RFX4: variants seen among roughly 807,000 people sequenced by gnomAD.
RFX4 encodes the protein regulatory factor X4, also known as transcription factor RFX4.
A neutral mutation model predicts 95.0 loss-of-function variants in RFX4; 10 were observed. The ratio of observed to expected loss-of-function variants is 0.11; its 90% CI spans 0.06 to 0.18. The LOEUF is 0.18. RFX4 is among the 10% of genes least tolerant of loss of function. The probability of loss-of-function intolerance (pLI) is 1.00; values close to 1 mark genes in which losing one functional copy is unlikely to be tolerated. For missense variants in RFX4, 640 were observed against 922.0 expected, an observed-to-expected ratio of 0.69 and a Z score of 3.96; for synonymous variants, 321 against 340.7, an observed-to-expected ratio of 0.94 and a Z score of 0.64.
In RFX4 at chr12:106,638,040, C is replaced by T. The variant is rs537426653; in HGVS notation, c.131-1292C>T. 4.4e-4 allele frequency among the ~76,000 whole-genome samples: 65 copies of T among 148,976 alleles called. 3 individuals are homozygous for T. The East Asian group carries it at 0.011, about 25-fold the overall frequency. ...GGATTTTTTTTTTTTTTGAATCTTG[C>T]TCTGTTGCCCAGACTAGAGTGCAGT... On this transcript the variant is annotated intron_variant, in intron 2 of 17. Transcript: ENST00000392842.
At chr12:106,641,967 C>CTATATCTA (rs371927014) in intron 3 of RFX4, among the ~76,000 whole-genome samples, 50 of 135,038 alleles carry the variant, frequency 3.7e-4, no homozygotes, top group African/African-American at 1.1e-3. Context: ...ATATCTATAT[C>CTATATCTA]TATCTATATC....
chr12:106,691,079 A>T (rs757533156), intron 7 of RFX4, among the ~76,000 whole-genome samples: 4 of 152,220 alleles, frequency 2.6e-5, no homozygotes, highest in Admixed American at 2.6e-4. Context: ...GTCCAGAAAC[A>T]TTGAGGGGCA....
rs1405496105 is a variant in RFX4 at position 106,755,209 on chromosome 12, A to C, written c.1935+4416A>C. ...CCTCCTGGGCTCAAGTGATCCTCCC[A>C]CCTCAGCCTCCCAAGTACCTGGGAC... On this transcript the variant is annotated intron_variant, in intron 17 of 17. Transcript: ENST00000392842. Among the ~76,000 whole-genome samples the C allele has an allele frequency of 2.0e-5, 3 of 152,114 alleles. No homozygotes were observed. The East Asian group carries it at 5.8e-4, about 29-fold the overall frequency.
At chr12:106,625,998 G>C (rs1809474956) in intron 2 of RFX4, among the ~76,000 whole-genome samples, 1 of 152,098 alleles carries the variant, frequency 6.6e-6, no homozygotes, top group Admixed American at 6.5e-5. Context: ...ATGGATCCCT[G>C]CTCTCAATGA....
chr12:106,624,101 C>T (rs1323308689), intron 2 of RFX4, among the ~76,000 whole-genome samples: 1 of 152,128 alleles, frequency 6.6e-6, no homozygotes, highest in Non-Finnish European at 1.5e-5. Context: ...TCTTGTGTGT[C>T]TCTCTTTTAT....
intron 13 of RFX4, 108 bp from the exon 14 acceptor site, chr12:106,732,014 ATTAGACTC>A (rs1316285370): frequency 6.9e-7 from 1 of 1,444,086 alleles, no homozygotes; most frequent in African/African-American, 1.4e-5. Context: ...TGAGTGGAAA[ATTAGACTC>A]TTGAGCAGAG....
intron 15 of RFX4, among the ~76,000 whole-genome samples, chr12:106,746,482 C>T (rs1179924248): frequency 2.0e-5 from 3 of 151,564 alleles, no homozygotes; most frequent in African/African-American, 7.3e-5. Context: ...CAGTGAGGGC[C>T]ATGATCATGT....
chr12:106,655,407 A>G (rs750501677), intron 4 of RFX4, among the ~76,000 whole-genome samples: 4 of 152,174 alleles, frequency 2.6e-5, no homozygotes, highest in East Asian at 1.9e-4. Context: ...CATTTCTTCA[A>G]TCCTTCAGTA....
intron 4 of RFX4, among the ~76,000 whole-genome samples, chr12:106,655,940 A>G (rs1429863443): frequency 1.3e-5 from 2 of 152,208 alleles, no homozygotes; most frequent in Non-Finnish European, 2.9e-5. Flanking sequence ...TTGTTAGCTT[A>G]TATTCTGCAA....
intron 3 of RFX4, among the ~76,000 whole-genome samples, chr12:106,642,110 A>G (rs540992982): frequency 6.6e-6 from 1 of 151,974 alleles, no homozygotes; most frequent in East Asian, 1.9e-4. Flanking sequence ...TCTTGGGTTC[A>G]AGTGATTCTC....
intron 9 of RFX4, among the ~76,000 whole-genome samples, chr12:106,709,811 CAA>C (rs2042158019): frequency 6.6e-6 from 1 of 152,106 alleles, no homozygotes; most frequent in African/African-American, 2.4e-5. Flanking sequence ...CTCTAAGAGG[CAA>C]AGAGAGTTCC....
chr12:106,683,483 A>AAC (rs1327559033), intron 5 of RFX4: 6 of 149,118 alleles, frequency 4.0e-5, no homozygotes, highest in African/African-American at 7.4e-5. Flanking sequence ...AAAAAAAAAA[A>AAC]AAAAAAAAAA....
At chr12:106,620,938 C>T (rs929962123) in intron 2 of RFX4, among the ~76,000 whole-genome samples, 4 of 152,118 alleles carry the variant, frequency 2.6e-5, no homozygotes, top group South Asian at 2.1e-4. Flanking sequence ...CATTTATAGG[C>T]TCTCTGCAAG....
Position 106,583,190 on chromosome 12 carries a change from C to A in RFX4, c.-131C>A. On this transcript the variant is annotated 5_prime_UTR_variant, in exon 1 of 18. Coordinates refer to ENST00000392842, the MANE Select transcript of RFX4 (RefSeq NM_213594.3). ...TCCTTTCCTCCTTTATCCTTGTGCC[C>A]CCTCACTTTCTGCGTCTCTCTCTCT... The A allele has an allele frequency of 1.3e-6, 1 of 755,896 alleles. No homozygotes were observed. The highest frequency in any genetic ancestry group is 2.1e-6 in the Non-Finnish European group (1 of 484,206). The allele number at this position is 755,896 out of a possible 1,614,324, so 46.8% of individuals were successfully genotyped here. A position where few individuals can be genotyped will look rare whatever the true frequency, so the allele number is the denominator to read the frequency against.
At chr12:106,595,495 C>A (rs756039703) in intron 1 of RFX4, among the ~76,000 whole-genome samples, 1 of 152,158 alleles carries the variant, frequency 6.6e-6, no homozygotes, top group Non-Finnish European at 1.5e-5. Flanking sequence ...AGGATGCCCA[C>A]GGGCACTCCT....
chr12:106,609,379 G>A (rs910721209), intron 2 of RFX4, among the ~76,000 whole-genome samples: 2 of 152,212 alleles, frequency 1.3e-5, no homozygotes, highest in Admixed American at 1.3e-4. Context: ...CTTGTCCTGT[G>A]TTATGTCAGA....
intron 7 of RFX4, among the ~76,000 whole-genome samples, chr12:106,695,327 G>C (rs374339607): frequency 7.9e-5 from 12 of 152,314 alleles, no homozygotes; most frequent in African/African-American, 2.9e-4. Context: ...CTGAAGTCTA[G>C]ATTTTCTCAA....
chr12:106,687,045 A>C lies in RFX4; in HGVS notation c.539A>C (p.Glu180Ala), dbSNP rs1470674723. Residue 180 changes from glutamate (E) to alanine (A), a missense_variant, in exon 6 of 18, where the codon GAA (glutamate) becomes GCA (alanine). Transcript: ENST00000392842. The stretch of plus-strand genomic sequence containing the variant: ...TCCAAACTCGGAACACTGCTGCCAG[A>C]ATTTCCCAATGTCAAAGATCTAAAT... ...PRSKLGTLLP[E>A]FPNVKDLNLP... 1 of 1,613,902 alleles carries C rather than the reference A, an allele frequency of 6.2e-7. No homozygotes were observed. Among genetic ancestry groups the C allele is most frequent in the Non-Finnish European group, 8.5e-7 (1 of 1,180,000 alleles).
intron 5 of RFX4, among the ~76,000 whole-genome samples, chr12:106,685,249 AG>A (rs2041619577): frequency 6.6e-6 from 1 of 151,260 alleles, no homozygotes; most frequent in Non-Finnish European, 1.5e-5. Flanking sequence ...CTAGACTACC[AG>A]GGATATTTTA....
Sources: allele counts gnomAD v4.1 joint callset (sites outside exome capture counted in the v4.1 genomes callset), GRCh38; gene constraint gnomAD v4.1.1; transcripts MANE v1.5; gene names NCBI Gene and HGNC (gene_info 2026-07-23, HGNC 2026-07-21).